Variants in ABCB1 observed in about 807,000 individuals in gnomAD.
ABCB1 encodes the protein ATP binding cassette subfamily B member 1.
A neutral mutation model predicts 142.0 loss-of-function variants in ABCB1; 69 were observed. The observed-to-expected ratio is 0.49, with a 90% CI of 0.40 to 0.59. The LOEUF is 0.59. ABCB1 is among the 20% of genes least tolerant of loss of function. The pLI is 0.00. For missense variants in ABCB1, 1,326 were observed against 1,554.7 expected (o/e 0.85, Z 2.47); for synonymous variants, 532 against 539.2 (o/e 0.99, Z 0.18).
chr7:87,557,779 C>T (rs1817367252), intron 8 of ABCB1, among the ~76,000 whole-genome samples: 1 of 152,182 alleles, frequency 6.6e-6, no homozygotes, highest in Admixed American at 6.5e-5. Flanking sequence ...CCACAATGTC[C>T]ATTTCCTCCT....
chr7:87,532,575 C>A (rs1816101266), intron 20 of ABCB1, among the ~76,000 whole-genome samples: 1 of 152,082 alleles, frequency 6.6e-6, no homozygotes, highest in Non-Finnish European at 1.5e-5. Context: ...GCCATGGCAA[C>A]GTTACCCTAT....
chr7:87,591,901 G>A (rs1488606068), intron 3 of ABCB1, among the ~76,000 whole-genome samples: 1 of 152,084 alleles, frequency 6.6e-6, no homozygotes, highest in Non-Finnish European at 1.5e-5. Flanking sequence ...TTACAGGCGA[G>A]GGCAGCACAA....
rs73705245 is a variant in ABCB1 at position 87,539,876 on chromosome 7, G to A, written c.2320-531C>T. Among the ~76,000 whole-genome samples the A allele has an allele frequency of 3.3e-3, 499 of 152,194 alleles. 3 individuals carry two copies. The highest frequency in any genetic ancestry group is 0.011 in the African/African-American group (465 of 41,524). ...TTCTTTTGCTTCACCAATTCAAATC[G>A]TCAACATTTAAGGGACCAGCTCAAA... On this transcript the variant is annotated intron_variant, in intron 18 of 27. Coordinates refer to ENST00000622132, the MANE Select transcript of ABCB1 (RefSeq NM_001348946.2).
At chr7:87,613,669 G>A (rs1819936715) in intron 1 of ABCB1, among the ~76,000 whole-genome samples, 1 of 152,076 alleles carries the variant, frequency 6.6e-6, no homozygotes, top group Admixed American at 6.5e-5. Flanking sequence ...CAGACATAAA[G>A]ATGTCAACAA....
intron 20 of ABCB1, among the ~76,000 whole-genome samples, chr7:87,533,966 G>A (rs1049373439): frequency 1.3e-5 from 2 of 152,116 alleles, no homozygotes; most frequent in East Asian, 3.9e-4. Context: ...CCAAGTTTGA[G>A]GTGTCTTTGA....
chr7:87,634,279 T>TG (rs1372879399), intron 1 of ABCB1, among the ~76,000 whole-genome samples: 1 of 152,106 alleles, frequency 6.6e-6, no homozygotes, highest in African/African-American at 2.4e-5. Flanking sequence ...TGTCATTTGA[T>TG]GGGGGCAGAC....
At chr7:87,625,378 G>C (rs530542447) in intron 1 of ABCB1, among the ~76,000 whole-genome samples, 1 of 152,316 alleles carries the variant, frequency 6.6e-6, no homozygotes, top group South Asian at 2.1e-4. Flanking sequence ...AGGCTAGGAA[G>C]CCAATTTTGA....
chr7:87,667,881 G>C (rs1563117331), intron 1 of ABCB1, among the ~76,000 whole-genome samples: 1 of 152,046 alleles, frequency 6.6e-6, no homozygotes, highest in Non-Finnish European at 1.5e-5. Flanking sequence ...GCCAGATTTG[G>C]TTTTCCAGTA....
At position 87,561,262 on chromosome 7, in the gene ABCB1, C is replaced by A; in HGVS notation, c.827+1G>T. ...TATCCATTTAAAAAAGAAACTCAAA[C>A]CTTTCAAGTTCTTTCTTTTGTCCTC... On this transcript the variant is annotated splice_donor_variant, in intron 8 of 27. Coordinates refer to ENST00000622132, the MANE Select transcript of ABCB1 (RefSeq NM_001348946.2). LOFTEE classifies it high-confidence loss of function. The A allele has an allele frequency of 1.9e-6, 3 of 1,613,662 alleles. No homozygotes were observed. Among genetic ancestry groups the A allele is most frequent in the Middle Eastern group, 1.7e-4 (1 of 6,054 alleles).
chr7:87,509,364 C>T lies in ABCB1; in HGVS notation c.3400G>A (p.Gly1134Arg), dbSNP rs767536622. The T allele has an allele frequency of 1.2e-6, 2 of 1,614,098 alleles. No homozygotes were observed. The highest frequency in any genetic ancestry group is 3.3e-5 in the Admixed American group (2 of 60,006). ...DCSIAENIAY[G>R]DNSRVVSQEE... Reference sequence around the variant, plus strand: ...TGTGACACCACCCGGCTGTTGTCTCCATAGGCAATGTTCTCAGCAATGCTG... The same window carrying T: ...TGTGACACCACCCGGCTGTTGTCTCTATAGGCAATGTTCTCAGCAATGCTG... The change falls in exon 26 of 28, where the codon GGA (glycine) becomes AGA (arginine). Residue 1134 changes from glycine (G) to arginine (R), a missense_variant. By Grantham distance (125) the Gly-to-Arg change is moderately radical. Transcript: ENST00000622132.
intron 1 of ABCB1, among the ~76,000 whole-genome samples, chr7:87,626,100 T>TCATATATATGTGTCATATATATA (rs1563079546): frequency 1.1e-5 from 1 of 90,888 alleles, no homozygotes; most frequent in Non-Finnish European, 2.0e-5. Flanking sequence ...ATATATATAT[T>TCATATATATGTGTCATATATATA]GTCATATATA....
rs1285534379 is a variant in ABCB1, at chr7:87,550,509, T to C, written c.1183A>G (p.Arg395Gly). 8 of 1,613,518 alleles carry C rather than the reference T, an allele frequency of 5.0e-6. No individual in the cohort carries two copies. The highest frequency in any genetic ancestry group is 6.8e-6 in the Non-Finnish European group (8 of 1,180,020). Residue 395 changes from arginine (R) to glycine (G), a missense_variant, in exon 11 of 28, where the codon AGA becomes GGA. Coordinates refer to ENST00000622132, the MANE Select transcript of ABCB1 (RefSeq NM_001348946.2). Reference sequence around the variant, plus strand: ...GATGGGTAACTGAAGTGAACATTTCTGAATTCCAAATTTCCCTTAATATTA... The same window carrying C: ...GATGGGTAACTGAAGTGAACATTTCCGAATTCCAAATTTCCCTTAATATTA... ...PDNIKGNLEF[R>G]NVHFSYPSRK...
chr7:87,544,540 C>T (rs944884767), intron 16 of ABCB1, among the ~76,000 whole-genome samples: 2 of 152,044 alleles, frequency 1.3e-5, no homozygotes, highest in Admixed American at 1.3e-4. Flanking sequence ...GTACTCAGAA[C>T]CTGACAAGAG....
At chr7:87,548,739 C>G (rs28381905) in intron 14 of ABCB1, among the ~76,000 whole-genome samples, 11 of 152,124 alleles carry the variant, frequency 7.2e-5, no homozygotes, top group African/African-American at 2.7e-4. Flanking sequence ...GCCCGGCACA[C>G]GGCAAACACT....
intron 1 of ABCB1, among the ~76,000 whole-genome samples, chr7:87,659,495 T>G (rs1273132005): frequency 6.6e-5 from 10 of 152,174 alleles, no homozygotes; most frequent in Admixed American, 2.0e-4. Flanking sequence ...CTACCCTGTG[T>G]GTGTAGCATA....
intron 4 of ABCB1, among the ~76,000 whole-genome samples, chr7:87,573,364 C>T (rs1818132553): frequency 6.6e-6 from 1 of 152,220 alleles, no homozygotes; most frequent in African/African-American, 2.4e-5. Context: ...CTTTCCTACA[C>T]ACTGATGTTT....
At chr7:87,682,893 T>C (rs1418256107) in intron 1 of ABCB1, among the ~76,000 whole-genome samples, 1 of 152,224 alleles carries the variant, frequency 6.6e-6, no homozygotes, top group Non-Finnish European at 1.5e-5. Flanking sequence ...TCTTTTACTA[T>C]GAAAGGTTTA....
At chr7:87,672,718 T>A (rs990372722) in intron 1 of ABCB1, among the ~76,000 whole-genome samples, 1 of 152,144 alleles carries the variant, frequency 6.6e-6, no homozygotes, top group Non-Finnish European at 1.5e-5. Context: ...CAAGGAGATC[T>A]CCTGACCCAA....
rs555266027 is a variant in ABCB1, at chr7:87,530,958, G to A, written c.2685+336C>T. 9.2e-5 allele frequency among the ~76,000 whole-genome samples: 14 copies of A among 151,604 alleles called. No homozygotes were observed. In the East Asian group the frequency reaches 1.2e-3, roughly 13 times the overall value. On this transcript the variant is annotated intron_variant, in intron 21 of 27. Coordinates refer to ENST00000622132, the MANE Select transcript of ABCB1 (RefSeq NM_001348946.2). Reference sequence around the variant, plus strand: ...GGAAAGAAGGAAGGAAGGAAAGAAGGAAGGAAGGAGTGGAGAGAGAGTGAA... The same window carrying A: ...GGAAAGAAGGAAGGAAGGAAAGAAGAAAGGAAGGAGTGGAGAGAGAGTGAA...
Sources: allele counts gnomAD v4.1 joint callset (sites outside exome capture counted in the v4.1 genomes callset), GRCh38; gene constraint gnomAD v4.1.1; transcripts MANE v1.5; gene names NCBI Gene and HGNC (gene_info 2026-07-23, HGNC 2026-07-21).